SDK1: variants seen among roughly 807,000 people sequenced by gnomAD.
SDK1 encodes sidekick cell adhesion molecule 1.
In SDK1, 157 loss-of-function variants were observed where a neutral mutation model predicts 245.5. The ratio of observed to expected loss-of-function variants is 0.64; its 90% confidence interval spans 0.56 to 0.73. The LOEUF (loss-of-function observed/expected upper bound fraction) is 0.73. Among genes scored for constraint, SDK1 ranks in the 30% least tolerant of loss-of-function variants. The pLI is 0.00. For missense variants in SDK1, 3,583 were observed against 3,002.3 expected, an observed-to-expected ratio of 1.19 and a Z score of -4.52; for synonymous variants, 1,647 against 1,278.5, an observed-to-expected ratio of 1.29 and a Z score of -6.15.
At chr7:4,211,898 C>G (rs975256889) in intron 38 of SDK1, among the ~76,000 whole-genome samples, 1 of 152,178 alleles carries the variant, frequency 6.6e-6, no homozygotes, top group African/African-American at 2.4e-5. Context: ...CGTGAGCCAC[C>G]GTGCCCGACC....
intron 5 of SDK1, among the ~76,000 whole-genome samples, chr7:3,921,359 T>C (rs1779580154): frequency 6.6e-6 from 1 of 152,248 alleles, no homozygotes; most frequent in Admixed American, 6.5e-5. Context: ...TTTATTAACC[T>C]GTCTCCATCA....
intron 1 of SDK1, among the ~76,000 whole-genome samples, chr7:3,321,048 A>T (rs1409923670): frequency 6.6e-6 from 1 of 152,188 alleles, no homozygotes; most frequent in African/African-American, 2.4e-5. Context: ...ATAACATAGG[A>T]TATGTGGATG....
chr7:3,862,090 G>C (rs1780707712), intron 5 of SDK1, among the ~76,000 whole-genome samples: 1 of 152,200 alleles, frequency 6.6e-6, no homozygotes, highest in Non-Finnish European at 1.5e-5. Context: ...GGAGTTTCCT[G>C]CAGAAACATC....
At chr7:3,766,024 C>T (rs1362752378) in intron 4 of SDK1, among the ~76,000 whole-genome samples, 1 of 152,126 alleles carries the variant, frequency 6.6e-6, no homozygotes, top group Non-Finnish European at 1.5e-5. Flanking sequence ...TTCACAAGAA[C>T]ATGCTTTTAA....
rs1268851914 is a variant in SDK1 at position 4,051,492 on chromosome 7, C to G, written c.2719-146C>G. On this transcript the variant is annotated intron_variant, in intron 18 of 44. Transcript: ENST00000404826. ...AATATATTTTTATCTCAACTTTTTT[C>G]AAGCGTGATTATAAAATGCAGGATT... 6.2e-6 allele frequency: 4 copies of G among 646,852 alleles called. No individual in the cohort carries two copies. The East Asian group carries it at 1.2e-4, about 20-fold the overall frequency. 40.1% of individuals were successfully genotyped at this position (646,852 alleles called of 1,614,324 possible).
At chr7:3,906,808 T>G (rs1583543672) in intron 5 of SDK1, among the ~76,000 whole-genome samples, 1 of 151,978 alleles carries the variant, frequency 6.6e-6, no homozygotes, top group East Asian at 1.9e-4. Context: ...TTTGTATTTT[T>G]TAGTAGAGAC....
intron 14 of SDK1, among the ~76,000 whole-genome samples, chr7:3,989,137 A>T (rs77144722): frequency 2.6e-5 from 4 of 152,194 alleles, no homozygotes; most frequent in African/African-American, 9.6e-5. Context: ...ACTGCCAATA[A>T]AGACACACCC....
intron 40 of SDK1, among the ~76,000 whole-genome samples, chr7:4,232,407 C>CTTTTTTTTTTTTTTTTTTTTTTTTTTTTT (rs201396862): frequency 4.8e-4 from 35 of 73,164 alleles, no homozygotes; most frequent in Non-Finnish European, 7.2e-4. Context: ...CTTTTCTTTT[C>CTTTTTTTTTTTTTTTTTTTTTTTTTTTTT]TTTCTTTTTT....
At chr7:4,121,874 A>C (rs907947701) in intron 25 of SDK1, among the ~76,000 whole-genome samples, 1 of 152,214 alleles carries the variant, frequency 6.6e-6, no homozygotes, top group Admixed American at 6.5e-5. Flanking sequence ...GTGTTTAATT[A>C]GAAACTGGTG....
chr7:3,319,182 A>T (rs1779733884), intron 1 of SDK1, among the ~76,000 whole-genome samples: 1 of 152,194 alleles, frequency 6.6e-6, no homozygotes, highest in South Asian at 2.1e-4. Context: ...TGGTGTGTAG[A>T]AACTGGAAGA....
intron 1 of SDK1, among the ~76,000 whole-genome samples, chr7:3,617,780 G>C (rs79932450): frequency 0.024 from 3,690 of 152,252 alleles, 159 homozygotes; most frequent in African/African-American, 0.084. Context: ...CCTGAAGGTA[G>C]AGCCTGCATG....
At chr7:3,740,375 T>C (rs1310582825) in intron 4 of SDK1, among the ~76,000 whole-genome samples, 1 of 152,180 alleles carries the variant, frequency 6.6e-6, no homozygotes, top group Non-Finnish European at 1.5e-5. Context: ...TTTTTCCATT[T>C]AAGGTTTTTG....
chr7:4,235,235 G>A (rs938528670), intron 41 of SDK1, among the ~76,000 whole-genome samples: 1 of 152,138 alleles, frequency 6.6e-6, no homozygotes, highest in Non-Finnish European at 1.5e-5. Flanking sequence ...CGTGATCTTA[G>A]CTCACTGCAA....
chr7:4,207,560 A>G lies in SDK1; in HGVS notation c.5215-539A>G, dbSNP rs191002795. On this transcript the variant is annotated intron_variant, in intron 36 of 44. Transcript: ENST00000404826. The stretch of plus-strand genomic sequence containing the variant: ...GTTGTTTTTGATTGCTTTAATCTCC[A>G]AAGTATATTGCCATATTGAGGAAAA... 1.2e-3 allele frequency among the ~76,000 whole-genome samples: 178 copies of G among 152,296 alleles called. 1 individual carries two copies. The highest frequency in any genetic ancestry group is 2.2e-3 in the Non-Finnish European group (149 of 68,034).
At chr7:3,408,949 A>G (rs11972454) in intron 1 of SDK1, among the ~76,000 whole-genome samples, 9,531 of 152,280 alleles carry the variant, frequency 0.063, 834 homozygotes, top group African/African-American at 0.2. Flanking sequence ...GCATTTCAAA[A>G]ACCTAACCAG....
intron 1 of SDK1, among the ~76,000 whole-genome samples, chr7:3,496,101 C>A (rs181895655): frequency 1.3e-4 from 20 of 152,216 alleles, no homozygotes; most frequent in African/African-American, 4.6e-4. Context: ...CCTGGAGATG[C>A]GTAGTGTGGT....
chr7:4,086,397 A>G (rs943868172), intron 22 of SDK1, among the ~76,000 whole-genome samples: 6 of 152,198 alleles, frequency 3.9e-5, no homozygotes, highest in African/African-American at 1.4e-4. Flanking sequence ...CACCAGAGCC[A>G]TGTTTCTTCC....
chr7:4,222,380 T>A (rs1044281186), intron 40 of SDK1, among the ~76,000 whole-genome samples: 1 of 152,130 alleles, frequency 6.6e-6, no homozygotes, highest in Non-Finnish European at 1.5e-5. Context: ...CTGCAATCTC[T>A]GCCTCCCGGG....
At chr7:3,981,941 T>A (rs1169736281) in intron 13 of SDK1, among the ~76,000 whole-genome samples, 4 of 152,206 alleles carry the variant, frequency 2.6e-5, no homozygotes, top group African/African-American at 7.2e-5. Context: ...AACAAGAAAT[T>A]TGCAGTGTAG....
Sources: allele counts gnomAD v4.1 joint callset (sites outside exome capture counted in the v4.1 genomes callset), GRCh38; gene constraint gnomAD v4.1.1; transcripts MANE v1.5; gene names NCBI Gene and HGNC (gene_info 2026-07-23, HGNC 2026-07-21).